The following EPC1 variants were observed in gnomAD, a reference collection of about 807,000 sequenced individuals.
The protein encoded by EPC1 is enhancer of polycomb homolog 1.
EPC1 carries 12 observed loss-of-function variants against 98.4 expected under a neutral mutation model. The ratio of observed to expected loss-of-function variants is 0.12; its 90% confidence interval spans 0.08 to 0.20. The LOEUF (loss-of-function observed/expected upper bound fraction) is 0.20, where lower values mean the gene tolerates loss of function less well. EPC1 is among the 10% of genes least tolerant of loss of function. EPC1 has a pLI of 1.00. For synonymous variants in EPC1, 357 were observed against 363.9 expected, an observed-to-expected ratio of 0.98 and a Z score of 0.21; for missense variants, 729 against 990.5, an observed-to-expected ratio of 0.74 and a Z score of 3.54.
At chr10:32,375,651 C>T (rs1271926520) in intron 1 of EPC1, among the ~76,000 whole-genome samples, 1 of 151,944 alleles carries the variant, frequency 6.6e-6, no homozygotes, top group Non-Finnish European at 1.5e-5. Flanking sequence ...TCATTAGCCC[C>T]TCCCTCCATC....
In EPC1 at chr10:32,353,634, G is replaced by T. The variant is rs367998206; in HGVS notation, c.3+24857C>A. Among the ~76,000 whole-genome samples the T allele has an allele frequency of 1.5e-4, 23 of 152,272 alleles. 1 individual carries two copies. The highest frequency in any genetic ancestry group is 7.2e-4 in the Admixed American group (11 of 15,294). The stretch of plus-strand genomic sequence containing the variant: ...GGAGAAACAATAATAAACAAGATAT[G>T]GTCTCTACATCCTCACGGGACTAAT... On this transcript the variant is annotated intron_variant, in intron 1 of 13. Coordinates refer to the EPC1 transcript ENST00000375110.
At chr10:32,276,642 C>T (rs564264795) in intron 10 of EPC1, among the ~76,000 whole-genome samples, 48 of 152,106 alleles carry the variant, frequency 3.2e-4, no homozygotes, top group African/African-American at 1.1e-3. Context: ...AAAGAAGGTC[C>T]CAGTGTGAAT....
chr10:32,353,425 G>A (rs772624369), intron 1 of EPC1, among the ~76,000 whole-genome samples: 2 of 152,154 alleles, frequency 1.3e-5, no homozygotes, highest in Non-Finnish European at 2.9e-5. Flanking sequence ...TCTGAGCCAG[G>A]CAGGAAAGAA....
chr10:32,297,917 C>T (rs1835269613), intron 2 of EPC1, among the ~76,000 whole-genome samples: 4 of 152,080 alleles, frequency 2.6e-5, no homozygotes, highest in African/African-American at 9.7e-5. Flanking sequence ...CCTGCCTCGG[C>T]CTCCCGAGTA....
chr10:32,360,030 T>C (rs116380324), intron 1 of EPC1, among the ~76,000 whole-genome samples: 3,797 of 149,672 alleles, frequency 0.025, 177 homozygotes, highest in African/African-American at 0.089. Context: ...TTTTGTATCA[T>C]TCATGTTTGT....
chr10:32,346,952 C>T lies in EPC1; in HGVS notation c.-37G>A. Reference sequence around the variant, plus strand: ...CAGATACCTCTCCGCTCTGGGGAAACGGCCCCGGCCAGCGGGATCATGGAG... The same window carrying T: ...CAGATACCTCTCCGCTCTGGGGAAATGGCCCCGGCCAGCGGGATCATGGAG... On this transcript the variant is annotated 5_prime_UTR_variant, in exon 1 of 14. Coordinates refer to ENST00000319778, the MANE Select transcript of EPC1 (RefSeq NM_001272004.3). 11 of 1,606,726 alleles carry T rather than the reference C, an allele frequency of 6.8e-6. No individual in the cohort carries two copies. Among genetic ancestry groups the T allele is most frequent in the Non-Finnish European group, 9.3e-6 (11 of 1,179,106 alleles).
intron 9 of EPC1, chr10:32,285,352 CT>C: frequency 3.8e-6 from 1 of 263,014 alleles, no homozygotes. Context: ...AACTTCATTC[CT>C]TTTGGGGGGA....
chr10:32,300,303 G>T (rs2132782409), intron 2 of EPC1, among the ~76,000 whole-genome samples: 1 of 151,986 alleles, frequency 6.6e-6, no homozygotes, highest in Non-Finnish European at 1.5e-5. Context: ...ATGCAGGTTT[G>T]TTACATATGT....
At chr10:32,302,045 G>A (rs111444025) in intron 2 of EPC1, among the ~76,000 whole-genome samples, 2 of 152,030 alleles carry the variant, frequency 1.3e-5, no homozygotes, top group Non-Finnish European at 2.9e-5. Flanking sequence ...AGGCCAAGGC[G>A]GGCGGATCAC....
intron 1 of EPC1, among the ~76,000 whole-genome samples, chr10:32,314,490 C>T (rs1171042921): frequency 6.6e-6 from 1 of 152,172 alleles, no homozygotes; most frequent in Non-Finnish European, 1.5e-5. Flanking sequence ...ACTCCAAGTC[C>T]AGCAAGTCAC....
At chr10:32,282,752 T>C (rs1401966999) in intron 10 of EPC1, 1 of 152,218 alleles carries the variant, frequency 6.6e-6, no homozygotes, top group Non-Finnish European at 1.5e-5. Context: ...CTTAAATATT[T>C]AGGATAGTTA....
chr10:32,287,941 T>C (rs1214737287), intron 6 of EPC1, among the ~76,000 whole-genome samples: 7 of 152,108 alleles, frequency 4.6e-5, no homozygotes, highest in Admixed American at 2.0e-4. Flanking sequence ...ACACAGCATG[T>C]TCGAAACATG....
At chr10:32,339,779 T>C (rs1282875372) in intron 1 of EPC1, among the ~76,000 whole-genome samples, 1 of 152,210 alleles carries the variant, frequency 6.6e-6, no homozygotes, top group Non-Finnish European at 1.5e-5. Context: ...ACTGCCTTAT[T>C]CACTCCTCAG....
intron 1 of EPC1, among the ~76,000 whole-genome samples, chr10:32,360,850 C>T (rs1229690339): frequency 1.3e-5 from 2 of 151,056 alleles, no homozygotes; most frequent in East Asian, 3.9e-4. Context: ...GCCGAGATCG[C>T]GCCACTGCAT....
chr10:32,291,130 A>C (rs192519119), intron 6 of EPC1, 33 bp downstream of exon 6: 2 of 1,572,630 alleles, frequency 1.3e-6, no homozygotes, highest in East Asian at 2.2e-5. Flanking sequence ...CCATCCCATT[A>C]TTAGATACTA....
chr10:32,293,946 CAT>C (rs1397371628), intron 2 of EPC1, among the ~76,000 whole-genome samples: 1 of 152,088 alleles, frequency 6.6e-6, no homozygotes, highest in African/African-American at 2.4e-5. Context: ...TATGAATATA[CAT>C]ATAAGTAATA....
chr10:32,302,851 A>T (rs1446108215), intron 2 of EPC1, among the ~76,000 whole-genome samples: 2 of 152,186 alleles, frequency 1.3e-5, no homozygotes, highest in East Asian at 3.8e-4. Context: ...TGCAACCCCC[A>T]GTGCTAGAGA....
intron 1 of EPC1, among the ~76,000 whole-genome samples, chr10:32,337,710 C>A (rs1411923147): frequency 6.6e-6 from 1 of 152,216 alleles, no homozygotes; most frequent in Non-Finnish European, 1.5e-5. Flanking sequence ...CCTCCAGCTA[C>A]TCCAGCCCTG....
At chr10:32,378,561 C>T (rs1839917295) in exon 1 of EPC1, 6 of 1,268,668 alleles carry the variant, frequency 4.7e-6, no homozygotes, top group Non-Finnish European at 6.6e-6. Flanking sequence ...ATACTTGTGT[C>T]CCTAGAAACA....
Sources: allele counts gnomAD v4.1 joint callset (sites outside exome capture counted in the v4.1 genomes callset), GRCh38; gene constraint gnomAD v4.1.1; transcripts MANE v1.5; gene names NCBI Gene and HGNC (gene_info 2026-07-23, HGNC 2026-07-21).